The following NBEAL1 variants were observed in gnomAD, a reference collection of about 807,000 sequenced individuals.
NBEAL1 encodes the protein neurobeachin-like protein 1.
In NBEAL1, 273 loss-of-function variants were observed where a neutral mutation model predicts 351.3. The ratio of observed to expected loss-of-function variants is 0.78; its 90% CI spans 0.70 to 0.86. NBEAL1 has a LOEUF of 0.86. Among genes scored for constraint, NBEAL1 ranks in the 40% least tolerant of loss-of-function variants. The pLI, the probability that NBEAL1 is intolerant of heterozygous loss-of-function variation, is 0.00. For synonymous variants in NBEAL1, 1,050 were observed against 1,086.4 expected (o/e 0.97, Z 0.66); for missense variants, 2,961 against 3,201.3 (o/e 0.92, Z 1.81).
chr2:203,124,050 T>C (rs1410543787), intron 19 of NBEAL1, among the ~76,000 whole-genome samples: 1 of 152,172 alleles, frequency 6.6e-6, no homozygotes, highest in African/African-American at 2.4e-5. Context: ...AAGTAGAAGA[T>C]ATGAGGCCAG....
intron 10 of NBEAL1, among the ~76,000 whole-genome samples, chr2:203,094,102 A>G (rs922612986): frequency 6.6e-6 from 1 of 152,196 alleles, no homozygotes; most frequent in African/African-American, 2.4e-5. Context: ...CAACACTAAT[A>G]ATTGATGGAG....
At chr2:203,050,021 T>C (rs1323972499) in intron 4 of NBEAL1, 46 bp downstream of exon 4, 1 of 1,519,852 alleles carries the variant, frequency 6.6e-7, no homozygotes, top group Non-Finnish European at 8.9e-7. Flanking sequence ...TAGGTGGGAG[T>C]TGAACAATGA....
chr2:203,052,964 T>G (rs947051931), intron 4 of NBEAL1, among the ~76,000 whole-genome samples: 74 of 152,266 alleles, frequency 4.9e-4, no homozygotes, highest in African/African-American at 1.6e-3. Flanking sequence ...TACCACAGTT[T>G]GTTTATTCAT....
rs140765813 is a variant in NBEAL1, at chr2:203,180,821, T to G, written c.6595+309T>G. ...ACCACTTAGGTTAAAAGTGTTTGAG[T>G]TAGATAAGGTGAGGATTTAGACTAA... On this transcript the variant is annotated intron_variant, in intron 43 of 55. Transcript: ENST00000683969. 28 of 190,586 alleles carry G rather than the reference T, an allele frequency of 1.5e-4. 1 individual carries two copies. In the East Asian group the frequency reaches 3.1e-3, roughly 21 times the overall value. 11.8% of individuals were successfully genotyped at this position (190,586 alleles called of 1,614,324 possible).
At chr2:203,177,277 A>G (rs1239477234) in intron 42 of NBEAL1, among the ~76,000 whole-genome samples, 1 of 151,816 alleles carries the variant, frequency 6.6e-6, no homozygotes, top group Admixed American at 6.6e-5. Flanking sequence ...GCACACACCT[A>G]TAACTTCAGC....
chr2:203,210,078 G>A (rs2065737747), intron 53 of NBEAL1, among the ~76,000 whole-genome samples: 1 of 151,974 alleles, frequency 6.6e-6, no homozygotes, highest in Non-Finnish European at 1.5e-5. Flanking sequence ...AAGAGTTTTG[G>A]GGGGCCGCGA....
At chr2:203,129,951 G>A (rs1029278521) in intron 24 of NBEAL1, among the ~76,000 whole-genome samples, 15 of 152,144 alleles carry the variant, frequency 9.9e-5, no homozygotes, top group African/African-American at 1.4e-4. Flanking sequence ...CGCTTGAGCC[G>A]AGGAGTTTGA....
chr2:203,043,567 C>T (rs1387848034), intron 3 of NBEAL1, among the ~76,000 whole-genome samples: 1 of 151,724 alleles, frequency 6.6e-6, no homozygotes, highest in Non-Finnish European at 1.5e-5. Flanking sequence ...ATGGCAAAAC[C>T]CCGTTTCTAC....
At chr2:203,191,214 C>T (rs1240660125) in intron 46 of NBEAL1, 8 of 1,556,292 alleles carry the variant, frequency 5.1e-6, no homozygotes, top group Admixed American at 3.3e-5. Context: ...ATGTTGATGG[C>T]CGCCATCCTC....
chr2:203,216,432 G>A (rs574319839), intron 55 of NBEAL1, among the ~76,000 whole-genome samples: 1 of 152,126 alleles, frequency 6.6e-6, no homozygotes, highest in Non-Finnish European at 1.5e-5. Context: ...AAACCTGTAT[G>A]TCTTGTTAGC....
In NBEAL1 at chr2:203,144,622, A is replaced by T; in HGVS notation, c.4871A>T (p.Lys1624Met). Residue 1624 changes from lysine (K) to methionine (M), a missense_variant, in exon 32 of 56, where the codon AAG becomes ATG. Coordinates refer to ENST00000683969, the MANE Select transcript of NBEAL1 (RefSeq NM_001378026.1). ...CAGGTTTGTGCAATGGCATCAGCTA[A>T]GCTAAATACCCTTCTTCAGACCAAA... ...NLQVCAMASA[K>M]LNTLLQTKVI... is the part of the protein sequence containing the mutation. The T allele has an allele frequency of 6.2e-7, 1 of 1,613,064 alleles. No homozygotes were observed. The highest frequency in any genetic ancestry group is 8.5e-7 in the Non-Finnish European group (1 of 1,179,328).
chr2:203,074,833 T>G, intron 7 of NBEAL1: 1 of 167,232 alleles, frequency 6.0e-6, no homozygotes, highest in East Asian at 1.5e-4. Context: ...TCTGATCTGT[T>G]GTTGGGCTTG....
Position 203,110,259 on chromosome 2 carries a change from C to T in NBEAL1, c.2059C>T (p.His687Tyr), listed in dbSNP as rs535516873. 1.8e-4 allele frequency: 273 copies of T among 1,552,290 alleles called. No individual in the cohort carries two copies. The highest frequency in any genetic ancestry group is 2.2e-4 in the Non-Finnish European group (249 of 1,147,094). Reference sequence around the variant, plus strand: ...ATATGCAACGGTTATGCTTCCTGACCACAGTTTCTGTGATTCCCTCTGGGT... The same window carrying T: ...ATATGCAACGGTTATGCTTCCTGACTACAGTTTCTGTGATTCCCTCTGGGT... ...REYATVMLPD[H>Y]SFCDSLWHNI... Residue 687 changes from histidine to tyrosine, a missense_variant, in exon 15 of 56, where the codon CAC (histidine) becomes TAC (tyrosine). Physicochemically the swap from His to Tyr is moderately conservative, Grantham distance 83. Transcript: ENST00000683969.
intron 2 of NBEAL1, among the ~76,000 whole-genome samples, chr2:203,027,950 C>T (rs536528883): frequency 6.6e-6 from 1 of 151,934 alleles, no homozygotes; most frequent in Admixed American, 6.6e-5. Flanking sequence ...GTGGCGTGAT[C>T]TTGGCTCACT....
chr2:203,189,677 AC>A, intron 45 of NBEAL1, among the ~76,000 whole-genome samples: 1 of 151,502 alleles, frequency 6.6e-6, no homozygotes, highest in Non-Finnish European at 1.5e-5. Flanking sequence ...GTGACCCACC[AC>A]CCCTGGCCCA....
intron 42 of NBEAL1, among the ~76,000 whole-genome samples, chr2:203,175,766 G>A (rs2064480804): frequency 6.6e-6 from 1 of 152,130 alleles, no homozygotes; most frequent in Non-Finnish European, 1.5e-5. Context: ...TAATCCTAAG[G>A]AAACCAGCTT....
rs1240141229 is a variant in NBEAL1, at chr2:203,223,439, G to A, written c.*6085G>A. ...TTAGTGGAGGGGTATATGTGTGTCT[G>A]TGTTTCCACTTATGTAATGGCTGTC... On this transcript the variant is annotated 3_prime_UTR_variant, in exon 56 of 56. Coordinates refer to ENST00000683969, the MANE Select transcript of NBEAL1 (RefSeq NM_001378026.1). Among the ~76,000 whole-genome samples, 1 of 151,928 alleles carries A rather than the reference G, an allele frequency of 6.6e-6. No individual in the cohort carries two copies. The highest frequency in any genetic ancestry group is 1.5e-5 in the Non-Finnish European group (1 of 67,926).
chr2:203,205,436 T>C (rs536320775), intron 51 of NBEAL1, among the ~76,000 whole-genome samples: 22 of 152,328 alleles, frequency 1.4e-4, no homozygotes, highest in Non-Finnish European at 2.8e-4. Flanking sequence ...TGCTTAACAT[T>C]TATACAATAC....
intron 46 of NBEAL1, among the ~76,000 whole-genome samples, chr2:203,191,811 G>A (rs1012677669): frequency 1.3e-5 from 2 of 152,152 alleles, no homozygotes; most frequent in Admixed American, 6.5e-5. Flanking sequence ...TGAATGAGTA[G>A]TTGTAAGCCC....
Sources: gnomAD v4.1 joint callset for allele counts (sites outside exome capture counted in the v4.1 genomes callset) on GRCh38, gnomAD v4.1.1 for gene constraint, MANE v1.5 for transcripts, NCBI Gene and HGNC (gene_info 2026-07-23, HGNC 2026-07-21) for gene names.